METTL15: variants seen among roughly 807,000 people sequenced by gnomAD.
METTL15 encodes the protein methyltransferase 15, mitochondrial 12S rRNA N4-cytidine, also known as 12S rRNA N(4)-cytidine methyltransferase METTL15.
In METTL15, 34 loss-of-function variants were observed where a neutral mutation model predicts 38.3. That is an observed-to-expected ratio of 0.89 (90% CI 0.68 to 1.18). The LOEUF (loss-of-function observed/expected upper bound fraction) is 1.18. METTL15 is among the 50% of genes most tolerant of loss of function. The pLI is 0.00. For synonymous variants in METTL15, 162 were observed against 170.9 expected, an observed-to-expected ratio of 0.95 and a Z score of 0.41; for missense variants, 438 against 498.4, an observed-to-expected ratio of 0.88 and a Z score of 1.15.
At chr11:28,355,508 G>A (rs137937072) in intron 4 of METTL15, among the ~76,000 whole-genome samples, 276 of 152,184 alleles carry the variant, frequency 1.8e-3, no homozygotes, top group Middle Eastern at 3.4e-3. Context: ...TTGGCCGTGC[G>A]TATCCATGAA....
At chr11:28,502,546 C>G (rs1851593469) in intron 6 of METTL15, among the ~76,000 whole-genome samples, 1 of 152,092 alleles carries the variant, frequency 6.6e-6, no homozygotes, top group South Asian at 2.1e-4. Context: ...CTCCTACTAT[C>G]CAAAAGGGTA....
At chr11:28,124,470 C>G (rs542757401) in intron 3 of METTL15, among the ~76,000 whole-genome samples, 1 of 152,002 alleles carries the variant, frequency 6.6e-6, no homozygotes, top group East Asian at 1.9e-4. Flanking sequence ...ATTGATCTCT[C>G]ACTCGTGCAA....
At chr11:28,489,310 T>C (rs1590392331) in intron 6 of METTL15, among the ~76,000 whole-genome samples, 1 of 152,302 alleles carries the variant, frequency 6.6e-6, no homozygotes, top group African/African-American at 2.4e-5. Context: ...AGATTCTTTA[T>C]TCAACAATTC....
At chr11:28,113,963 T>C (rs1052197337) in intron 3 of METTL15, among the ~76,000 whole-genome samples, 3 of 152,214 alleles carry the variant, frequency 2.0e-5, no homozygotes, top group African/African-American at 7.2e-5. Context: ...GGTTAAGTAC[T>C]TAAATGCATT....
At chr11:28,300,862 A>C (rs989032876) in intron 6 of METTL15, among the ~76,000 whole-genome samples, 2 of 152,146 alleles carry the variant, frequency 1.3e-5, no homozygotes, top group African/African-American at 4.8e-5. Flanking sequence ...AAAATCTAAG[A>C]GATGAAAATG....
At chr11:28,218,760 T>C (rs934969249) in intron 4 of METTL15, among the ~76,000 whole-genome samples, 6 of 152,234 alleles carry the variant, frequency 3.9e-5, no homozygotes, top group African/African-American at 1.4e-4. Flanking sequence ...TGAGAGTTTT[T>C]AGCATGCAGG....
At chr11:28,287,156 ATGTGTGTGTGTG>A (rs150235421) in intron 4 of METTL15, 24 of 140,632 alleles carry the variant, frequency 1.7e-4, no homozygotes, top group Middle Eastern at 3.5e-3. Flanking sequence ...GAGAGAGACA[ATGTGTGTGTGTG>A]TGTGTGTGTG....
chr11:28,146,402 A>G (rs533657258), intron 3 of METTL15, among the ~76,000 whole-genome samples: 11 of 152,046 alleles, frequency 7.2e-5, no homozygotes, highest in Non-Finnish European at 1.5e-4. Context: ...TAATTAAGGC[A>G]CAGTTGTCAG....
intron 3 of METTL15, among the ~76,000 whole-genome samples, chr11:28,132,430 T>TAAAA: frequency 6.6e-6 from 1 of 152,150 alleles, no homozygotes; most frequent in South Asian, 2.1e-4. Context: ...ATCCAATTTG[T>TAAAA]TCTTGTCCCT....
At chr11:28,144,346 G>T (rs1468898616) in intron 3 of METTL15, among the ~76,000 whole-genome samples, 3 of 151,996 alleles carry the variant, frequency 2.0e-5, no homozygotes, top group African/African-American at 7.3e-5. Context: ...TAAAAAGTTT[G>T]GGGGAAATAA....
At chr11:28,172,982 TCAATATGAAGAA>T (rs1200156399) in intron 3 of METTL15, among the ~76,000 whole-genome samples, 1 of 152,170 alleles carries the variant, frequency 6.6e-6, no homozygotes, top group African/African-American at 2.4e-5. Context: ...ACAACTGATT[TCAATATGAAGAA>T]TCTTAAAGAC....
At chr11:28,281,348 A>G (rs1856047967) in intron 4 of METTL15, among the ~76,000 whole-genome samples, 3 of 152,120 alleles carry the variant, frequency 2.0e-5, no homozygotes, top group Admixed American at 1.3e-4. Context: ...GAACTCTAAT[A>G]TTTATCTCCT....
chr11:28,338,728 T>C (rs990066923), intron 3 of METTL15, among the ~76,000 whole-genome samples: 1 of 152,230 alleles, frequency 6.6e-6, no homozygotes, highest in East Asian at 1.9e-4. Flanking sequence ...TTTATTATAG[T>C]GTAGGTATTA....
intron 3 of METTL15, among the ~76,000 whole-genome samples, chr11:28,191,071 A>T (rs1289019153): frequency 6.6e-6 from 1 of 151,370 alleles, no homozygotes; most frequent in Non-Finnish European, 1.5e-5. Context: ...TGATTATTAT[A>T]AGGTTTGTAT....
At chr11:28,275,680 T>C (rs1035372388) in intron 4 of METTL15, among the ~76,000 whole-genome samples, 11 of 150,876 alleles carry the variant, frequency 7.3e-5, no homozygotes, top group African/African-American at 2.7e-4. Flanking sequence ...TAGCCCTGAT[T>C]AGCATAGATG....
intron 4 of METTL15, among the ~76,000 whole-genome samples, chr11:28,221,032 A>G (rs937874240): frequency 6.6e-6 from 1 of 151,998 alleles, no homozygotes; most frequent in Non-Finnish European, 1.5e-5. Context: ...TCTGACAGTT[A>G]TGTGTCTTGG....
chr11:28,405,853 C>T (rs1466571998), intron 5 of METTL15, among the ~76,000 whole-genome samples: 1 of 152,122 alleles, frequency 6.6e-6, no homozygotes, highest in Non-Finnish European at 1.5e-5. Context: ...ACCCACCTCT[C>T]ATATTCAATT....
At chr11:28,430,226 G>T (rs1215197227) in intron 6 of METTL15, among the ~76,000 whole-genome samples, 2 of 143,522 alleles carry the variant, frequency 1.4e-5, no homozygotes, top group African/African-American at 2.6e-5. Flanking sequence ...GGAGGGAGGT[G>T]GGGGGGGTCA....
chr11:28,162,885 A>G (rs1387557870), intron 3 of METTL15, among the ~76,000 whole-genome samples: 2 of 152,156 alleles, frequency 1.3e-5, no homozygotes, highest in Admixed American at 6.5e-5. Context: ...CTTTCACACC[A>G]TAGTAAAGTT....
Sources: gnomAD v4.1 joint callset for allele counts (sites outside exome capture counted in the v4.1 genomes callset) on GRCh38, gnomAD v4.1.1 for gene constraint, MANE v1.5 for transcripts, NCBI Gene and HGNC (gene_info 2026-07-23, HGNC 2026-07-21) for gene names.